Variants in ST8SIA1 observed in about 807,000 individuals in gnomAD.
ST8SIA1 encodes ST8 alpha-N-acetyl-neuraminide alpha-2,8-sialyltransferase 1, also known as alpha-N-acetylneuraminide alpha-2,8-sialyltransferase.
Under a neutral mutation model 35.9 loss-of-function variants are expected in ST8SIA1, and 16 were observed. The observed-to-expected ratio is 0.45, with a 90% CI of 0.30 to 0.68. ST8SIA1 has a LOEUF of 0.68. ST8SIA1 is among the 30% of genes least tolerant of loss of function. ST8SIA1 has a pLI of 0.09. For missense variants in ST8SIA1, 383 were observed against 453.6 expected (o/e 0.84, Z 1.41); for synonymous variants, 170 against 169.6 (o/e 1.00, Z -0.02).
At chr12:22,263,893 T>C (rs896132204) in intron 2 of ST8SIA1, among the ~76,000 whole-genome samples, 1 of 152,208 alleles carries the variant, frequency 6.6e-6, no homozygotes, top group Admixed American at 6.5e-5. Flanking sequence ...TTCAGAGTGG[T>C]CTGAAAGGCT....
At chr12:22,254,661 T>C (rs1865709343) in intron 3 of ST8SIA1, among the ~76,000 whole-genome samples, 1 of 152,252 alleles carries the variant, frequency 6.6e-6, no homozygotes, top group African/African-American at 2.4e-5. Context: ...TCTCTGTCCC[T>C]GGCTGAATAT....
chr12:22,277,656 C>A (rs919088646), intron 2 of ST8SIA1, among the ~76,000 whole-genome samples: 2 of 152,006 alleles, frequency 1.3e-5, no homozygotes, highest in Admixed American at 6.6e-5. Flanking sequence ...CATGAGCCAC[C>A]GCGCCTGTCT....
rs73265997 is a variant in ST8SIA1, at chr12:22,224,556, C to A, written c.585-22518G>T. On this transcript the variant is annotated intron_variant, in intron 4 of 4. Transcript: ENST00000396037. ...CTGGGATTATAAGCATGAGCCACTG[C>A]GCCTGGCCTATTTATACTTTATCTT... Among the ~76,000 whole-genome samples the A allele has an allele frequency of 2.3e-3, 343 of 152,178 alleles. 2 individuals are homozygous for A. Among genetic ancestry groups the A allele is most frequent in the African/African-American group, 7.3e-3 (303 of 41,528 alleles).
rs919739905 is a variant in ST8SIA1, at chr12:22,193,566, G to A, written c.*7986C>T. ...CTCCTATGACATTGCATTTAGATTC[G>A]GTGGAAAGAAGCAAGTCAGCAGAAC... On this transcript the variant is annotated 3_prime_UTR_variant, in exon 5 of 5. Transcript: ENST00000396037. 1 of 152,034 alleles carries A rather than the reference G, an allele frequency of 6.6e-6. No homozygotes were observed. The highest frequency in any genetic ancestry group is 6.6e-5 in the Admixed American group (1 of 15,254). The allele number at this position is 152,034 out of a possible 1,614,324, so 9.4% of individuals were successfully genotyped here.
At chr12:22,221,705 G>T (rs907930674) in intron 4 of ST8SIA1, among the ~76,000 whole-genome samples, 4 of 152,182 alleles carry the variant, frequency 2.6e-5, no homozygotes, top group Non-Finnish European at 5.9e-5. Flanking sequence ...TACAGTTGTT[G>T]AAAACAGAAC....
At chr12:22,306,833 T>C (rs1036105847) in intron 1 of ST8SIA1, among the ~76,000 whole-genome samples, 2 of 152,174 alleles carry the variant, frequency 1.3e-5, no homozygotes, top group African/African-American at 4.8e-5. Flanking sequence ...CTATTATCCA[T>C]ACTTCTCACA....
chr12:22,320,449 G>A (rs1023422079), intron 1 of ST8SIA1, among the ~76,000 whole-genome samples: 2 of 152,142 alleles, frequency 1.3e-5, no homozygotes, highest in Non-Finnish European at 2.9e-5. Flanking sequence ...ATGCTTTTGT[G>A]GTGAGGCCAC....
In ST8SIA1 at chr12:22,196,127, A is replaced by G. The variant is rs546788726; in HGVS notation, c.*5425T>C. The G allele has an allele frequency of 3.9e-5, 6 of 152,316 alleles. No homozygotes were observed. In the East Asian group the frequency reaches 7.7e-4, roughly 20 times the overall value. The allele number at this position is 152,316 out of a possible 1,614,324, so 9.4% of individuals were successfully genotyped here. On this transcript the variant is annotated 3_prime_UTR_variant, in exon 5 of 5. Transcript: ENST00000396037. ...ACACAGAGGAGTGACCATAAAATATAATTCCTCTTCTGTGCTTTAAAAAGT... is the reference window on the plus strand; with the variant it reads ...ACACAGAGGAGTGACCATAAAATATGATTCCTCTTCTGTGCTTTAAAAAGT...
chr12:22,226,460 C>A (rs1865358750), intron 4 of ST8SIA1, among the ~76,000 whole-genome samples: 2 of 152,042 alleles, frequency 1.3e-5, no homozygotes, highest in African/African-American at 4.8e-5. Context: ...TGCCTGTGGA[C>A]CCAGTCCTGT....
intron 4 of ST8SIA1, among the ~76,000 whole-genome samples, chr12:22,211,346 T>TG (rs1295320988): frequency 1.3e-5 from 2 of 152,148 alleles, no homozygotes; most frequent in Admixed American, 6.5e-5. Flanking sequence ...CCCTGGAGAC[T>TG]GGGGGGTGGG....
intron 4 of ST8SIA1, among the ~76,000 whole-genome samples, chr12:22,228,115 G>A (rs1865378775): frequency 6.6e-6 from 1 of 152,230 alleles, no homozygotes; most frequent in South Asian, 2.1e-4. Context: ...GTATTGTGAA[G>A]TATGGTTGTC....
At position 22,207,116 on chromosome 12, in the gene ST8SIA1, TA is replaced by T. The variant is rs372633045; in HGVS notation, c.585-5079del. ...GTCTCAACAGAAACAGTGTCCCAGA[TA>T]GGCCAATGTGCAGCAGGGATGGAAG... On this transcript the variant is annotated intron_variant, in intron 4 of 4. Transcript: ENST00000396037. 8.7e-3 allele frequency among the ~76,000 whole-genome samples: 1,331 copies of T among 152,250 alleles called. 9 individuals carry two copies. Among genetic ancestry groups the T allele is most frequent in the Non-Finnish European group, 0.014 (945 of 68,016 alleles).
At chr12:22,225,770 C>G (rs926599959) in intron 4 of ST8SIA1, among the ~76,000 whole-genome samples, 2 of 152,148 alleles carry the variant, frequency 1.3e-5, no homozygotes, top group Non-Finnish European at 2.9e-5. Context: ...CTGAAACCAC[C>G]TTTGGTTTGG....
intron 1 of ST8SIA1, among the ~76,000 whole-genome samples, chr12:22,308,152 T>C (rs1381322426): frequency 6.6e-6 from 1 of 152,162 alleles, no homozygotes; most frequent in African/African-American, 2.4e-5. Context: ...TTAGGGCATG[T>C]GGGAAGTTAT....
intron 1 of ST8SIA1, among the ~76,000 whole-genome samples, chr12:22,291,635 T>C (rs1201736447): frequency 6.6e-6 from 1 of 152,216 alleles, no homozygotes; most frequent in Non-Finnish European, 1.5e-5. Context: ...TCATCAGAGT[T>C]TACTGTTTGT....
At chr12:22,328,921 C>T (rs1182013716) in intron 1 of ST8SIA1, among the ~76,000 whole-genome samples, 1 of 152,138 alleles carries the variant, frequency 6.6e-6, no homozygotes, top group Non-Finnish European at 1.5e-5. Context: ...AGAATTTGAA[C>T]ACAGCTGACT....
At chr12:22,299,600 T>C (rs1866293464) in intron 1 of ST8SIA1, among the ~76,000 whole-genome samples, 1 of 152,116 alleles carries the variant, frequency 6.6e-6, no homozygotes, top group Non-Finnish European at 1.5e-5. Flanking sequence ...TTGTCTATAA[T>C]TAAAGGGAAA....
At chr12:22,279,074 T>G (rs74068540) in intron 2 of ST8SIA1, among the ~76,000 whole-genome samples, 5,883 of 152,274 alleles carry the variant, frequency 0.039, 398 homozygotes, top group African/African-American at 0.13. Context: ...AACCTAAATG[T>G]TTTTGTCTGA....
At chr12:22,285,847 G>T (rs1866091176) in intron 2 of ST8SIA1, among the ~76,000 whole-genome samples, 1 of 113,294 alleles carries the variant, frequency 8.8e-6, no homozygotes, top group African/African-American at 3.7e-5. Flanking sequence ...TCAAGCCCAG[G>T]CAACAGAGTA....
Sources: allele counts gnomAD v4.1 joint callset (sites outside exome capture counted in the v4.1 genomes callset), GRCh38; gene constraint gnomAD v4.1.1; transcripts MANE v1.5; gene names NCBI Gene and HGNC (gene_info 2026-07-23, HGNC 2026-07-21).